The following DDX10 variants were observed in gnomAD, a reference collection of about 807,000 sequenced individuals.
DDX10 encodes DEAD-box helicase 10.
A neutral mutation model predicts 104.3 loss-of-function variants in DDX10; 74 were observed. The observed-to-expected ratio is 0.71, with a 90% confidence interval of 0.59 to 0.86. The LOEUF is 0.86. DDX10 is among the 40% of genes least tolerant of loss of function. The pLI is 0.00. For missense variants in DDX10, 952 were observed against 1,040.0 expected, an observed-to-expected ratio of 0.92 and a Z score of 1.16; for synonymous variants, 351 against 353.4, an observed-to-expected ratio of 0.99 and a Z score of 0.08.
intron 13 of DDX10, among the ~76,000 whole-genome samples, chr11:108,817,225 G>T (rs189805475): frequency 9.7e-4 from 147 of 152,264 alleles, no homozygotes; most frequent in Non-Finnish European, 1.6e-3. Context: ...TCTACCTCCT[G>T]ACTCTGTCCT....
chr11:108,922,497 A>C (rs1863848353), intron 17 of DDX10, among the ~76,000 whole-genome samples: 1 of 152,234 alleles, frequency 6.6e-6, no homozygotes, highest in South Asian at 2.1e-4. Flanking sequence ...AGACACTGTC[A>C]GTTGGAACTA....
intron 13 of DDX10, among the ~76,000 whole-genome samples, chr11:108,743,787 G>C (rs921647270): frequency 2.0e-5 from 3 of 152,100 alleles, no homozygotes; most frequent in African/African-American, 7.2e-5. Flanking sequence ...TTGGTAGAGG[G>C]AGTGGCAAAT....
chr11:108,702,870 C>A (rs2094270437), intron 9 of DDX10, among the ~76,000 whole-genome samples: 1 of 152,164 alleles, frequency 6.6e-6, no homozygotes. Flanking sequence ...CTCTTGGGCT[C>A]TCAGAAATAC....
At chr11:108,730,577 T>C (rs1034146870) in intron 13 of DDX10, among the ~76,000 whole-genome samples, 1 of 152,188 alleles carries the variant, frequency 6.6e-6, no homozygotes, top group African/African-American at 2.4e-5. Context: ...ATAGAACTCA[T>C]AGGTAGGGTT....
intron 16 of DDX10, among the ~76,000 whole-genome samples, chr11:108,887,476 AG>A (rs1357588273): frequency 6.6e-6 from 1 of 151,644 alleles, no homozygotes; most frequent in East Asian, 1.9e-4. Context: ...TTAAAAAAAA[AG>A]AAAAAACTGT....
At chr11:108,892,343 G>A (rs1425332405) in intron 16 of DDX10, among the ~76,000 whole-genome samples, 1 of 152,138 alleles carries the variant, frequency 6.6e-6, no homozygotes, top group Non-Finnish European at 1.5e-5. Context: ...CTTCCCCTCT[G>A]GAGGCGGTCT....
chr11:108,883,221 C>T (rs533395223), intron 16 of DDX10, among the ~76,000 whole-genome samples: 1 of 152,118 alleles, frequency 6.6e-6, no homozygotes, highest in South Asian at 2.1e-4. Flanking sequence ...TTCAGTAGAC[C>T]ATATTACCTA....
chr11:108,737,282 A>C lies in DDX10; in HGVS notation c.1965+13820A>C, dbSNP rs1006103382. On this transcript the variant is annotated intron_variant, in intron 13 of 17. Coordinates refer to ENST00000322536, the MANE Select transcript of DDX10 (RefSeq NM_004398.4). ...GTTTTGCCATAGGACAAAAAAGTTTATCTCTATTAAGCAGGTAGCAGATCA... is the reference window on the plus strand; with the variant it reads ...GTTTTGCCATAGGACAAAAAAGTTTCTCTCTATTAAGCAGGTAGCAGATCA... 6.6e-5 allele frequency among the ~76,000 whole-genome samples: 10 copies of C among 152,336 alleles called. No homozygotes were observed. The East Asian group carries it at 1.9e-3, about 29-fold the overall frequency.
At chr11:108,722,710 G>C (rs761797307) in intron 12 of DDX10, among the ~76,000 whole-genome samples, 1 of 152,150 alleles carries the variant, frequency 6.6e-6, no homozygotes, top group South Asian at 2.1e-4. Flanking sequence ...GAAATTGGCA[G>C]GTCTAGTACT....
At chr11:108,684,356 C>T (rs1436335705) in intron 6 of DDX10, among the ~76,000 whole-genome samples, 1 of 109,586 alleles carries the variant, frequency 9.1e-6, no homozygotes, top group Non-Finnish European at 1.8e-5. Flanking sequence ...CCCCCTCCCC[C>T]GACCCCACCA....
At chr11:108,689,775 A>G (rs2094249561) in intron 7 of DDX10, among the ~76,000 whole-genome samples, 1 of 152,202 alleles carries the variant, frequency 6.6e-6, no homozygotes, top group South Asian at 2.1e-4. Context: ...CCAATGACTT[A>G]ATAGGGAATG....
chr11:108,668,970 G>T (rs187962962), intron 1 of DDX10, among the ~76,000 whole-genome samples: 1 of 152,256 alleles, frequency 6.6e-6, no homozygotes, highest in East Asian at 1.9e-4. Context: ...GGTGGTTGCA[G>T]CCTCACGTCT....
intron 9 of DDX10, 71 bp downstream of exon 9, chr11:108,693,671 A>G (rs1452819359): frequency 1.6e-6 from 2 of 1,217,044 alleles, no homozygotes; most frequent in Admixed American, 3.4e-5. Context: ...CCAACTGCAG[A>G]TAAACGAAGA....
intron 17 of DDX10, chr11:108,920,299 A>G (rs1863806136): frequency 6.6e-6 from 1 of 152,230 alleles, no homozygotes. Context: ...TAAGCATTAT[A>G]TGAAAATTAA....
chr11:108,714,750 C>G (rs527934144), intron 10 of DDX10, among the ~76,000 whole-genome samples: 5,124 of 152,130 alleles, frequency 0.034, 282 homozygotes, highest in African/African-American at 0.12. Context: ...CAGAATCTTA[C>G]TTGTATTGGC....
Position 108,838,455 on chromosome 11 carries a change from C to A in DDX10, c.1975C>A (p.Pro659Thr), listed in dbSNP as rs754775614. The change falls in exon 14 of 18, where the codon CCT becomes ACT. Residue 659 changes from proline (P) to threonine (T), a missense_variant. Pro to Thr is a conservative substitution (Grantham distance 38). This residue lies in a region of DDX10 where 533 missense variants were observed against 534.1 expected (regional missense o/e 1.00). Coordinates refer to ENST00000322536, the MANE Select transcript of DDX10 (RefSeq NM_004398.4). ...KDEKTLQKKE[P>T]SKSSIKKKMT... is the part of the protein sequence containing the mutation. ...GTATGTTCTCACACAGAAGAAAGAA[C>A]CTTCTAAATCCAGCATCAAGAAAAA... 5 of 1,609,222 alleles carry A rather than the reference C, an allele frequency of 3.1e-6. No homozygotes were observed. The East Asian group carries it at 1.1e-4, about 36-fold the overall frequency.
chr11:108,880,989 A>G (rs183113291), intron 16 of DDX10, among the ~76,000 whole-genome samples: 58 of 152,346 alleles, frequency 3.8e-4, no homozygotes, highest in Non-Finnish European at 6.9e-4. Flanking sequence ...ACATATTTAT[A>G]GACAGACTCT....
intron 13 of DDX10, among the ~76,000 whole-genome samples, chr11:108,728,504 C>CTTTTTTTTTTTTTTT (rs71050884): frequency 8.2e-6 from 1 of 121,780 alleles, no homozygotes; most frequent in African/African-American, 4.1e-5. Flanking sequence ...CACATTTGTT[C>CTTTTTTTTTTTTTTT]TTTTTTTTTT....
rs556833122 is a variant in DDX10 at position 108,865,634 on chromosome 11, G to A, written c.2304+13425G>A. Among the ~76,000 whole-genome samples, 19 of 152,190 alleles carry A rather than the reference G, an allele frequency of 1.2e-4. No individual in the cohort carries two copies. In the South Asian group the frequency reaches 3.9e-3, roughly 32 times the overall value. Reference sequence around the variant, plus strand: ...AAATTGGTGAATCATAGAGGATCTCGAATACCAAGTTGAAGATTTGGGCTG... The same window carrying A: ...AAATTGGTGAATCATAGAGGATCTCAAATACCAAGTTGAAGATTTGGGCTG... On this transcript the variant is annotated intron_variant, in intron 16 of 17. Coordinates refer to ENST00000322536, the MANE Select transcript of DDX10 (RefSeq NM_004398.4).
Sources: gnomAD v4.1 joint callset for allele counts (sites outside exome capture counted in the v4.1 genomes callset) on GRCh38, gnomAD v4.1.1 for gene constraint, gnomAD v4.1.1 regional missense constraint, MANE v1.5 for transcripts, NCBI Gene and HGNC (gene_info 2026-07-23, HGNC 2026-07-21) for gene names.